Variants in NTN4 observed in about 807,000 individuals in gnomAD.
NTN4 encodes netrin-4.
Under a neutral mutation model 73.6 loss-of-function variants are expected in NTN4, and 32 were observed. The ratio of observed to expected loss-of-function variants is 0.44; its 90% CI spans 0.33 to 0.58. The LOEUF is 0.58. Among genes scored for constraint, NTN4 ranks in the 20% least tolerant of loss-of-function variants. NTN4 has a pLI of 0.04. For missense variants in NTN4, 654 were observed against 798.3 expected (o/e 0.82, Z 2.18); for synonymous variants, 258 against 287.5 (o/e 0.90, Z 1.04).
chr12:95,732,075 T>C (rs2078741172), intron 3 of NTN4, among the ~76,000 whole-genome samples: 1 of 152,204 alleles, frequency 6.6e-6, no homozygotes, highest in African/African-American at 2.4e-5. Context: ...CAGATGTACA[T>C]TTCCAAACAT....
chr12:95,668,788 A>G (rs2078203015), intron 8 of NTN4, among the ~76,000 whole-genome samples: 1 of 151,586 alleles, frequency 6.6e-6, no homozygotes, highest in African/African-American at 2.4e-5. Context: ...TCAGAAGTCC[A>G]AAACCAGCCT....
At chr12:95,727,167 G>A (rs192717082) in intron 3 of NTN4, among the ~76,000 whole-genome samples, 1 of 152,226 alleles carries the variant, frequency 6.6e-6, no homozygotes, top group East Asian at 1.9e-4. Context: ...TCTCCCTAAT[G>A]ACTAATGATG....
Position 95,669,376 on chromosome 12 carries a change from T to C in NTN4, c.1579+702A>G, listed in dbSNP as rs76552412. On this transcript the variant is annotated intron_variant, in intron 8 of 9. Coordinates refer to ENST00000343702, the MANE Select transcript of NTN4 (RefSeq NM_021229.4). Reference sequence around the variant, plus strand: ...ATGTATTTTCCTGTTATTTGAAAGATAGGGGTATCTAGAGTATACAGAGAG... The same window carrying C: ...ATGTATTTTCCTGTTATTTGAAAGACAGGGGTATCTAGAGTATACAGAGAG... Among the ~76,000 whole-genome samples the C allele has an allele frequency of 4.3e-3, 659 of 152,260 alleles. 3 individuals carry two copies. Among genetic ancestry groups the C allele is most frequent in the African/African-American group, 0.015 (631 of 41,556 alleles).
intron 7 of NTN4, among the ~76,000 whole-genome samples, chr12:95,681,964 T>C (rs1028164605): frequency 1.8e-4 from 27 of 152,072 alleles, no homozygotes; most frequent in African/African-American, 6.0e-4. Context: ...ACATCTAGCT[T>C]TTGCTTTGTA....
chr12:95,679,915 C>T lies in NTN4; in HGVS notation c.1510+2792G>A, dbSNP rs138120961. On this transcript the variant is annotated intron_variant, in intron 7 of 9. Transcript: ENST00000343702. The stretch of plus-strand genomic sequence containing the variant: ...TCTTGCTGTTTCCTGAATTCCTCCT[C>T]AGGGCTTTAAAGACTTGCTGTATCT... Among the ~76,000 whole-genome samples, 9 of 152,272 alleles carry T rather than the reference C, an allele frequency of 5.9e-5. No individual in the cohort carries two copies. In the East Asian group the frequency reaches 1.7e-3, roughly 29 times the overall value.
intron 2 of NTN4, among the ~76,000 whole-genome samples, chr12:95,743,847 G>C (rs976377130): frequency 6.6e-6 from 1 of 151,988 alleles, no homozygotes; most frequent in Admixed American, 6.6e-5. Context: ...CTCCCTTCAG[G>C]TTTTGCTTCA....
In NTN4 at chr12:95,790,189, GAGTCCCGAGATGGGTTAGAGA is replaced by G. The variant is rs926125737; in HGVS notation, c.55+45_55+65del. ...GCAGCCCTGGCTCCCCTGCACCCCC[GAGTCCCGAGATGGGTTAGAGA>G]AGCAGCGAGGGAAGGGGTGGGGGCC... On this transcript the variant is annotated intron_variant, in intron 1 of 9. Coordinates refer to ENST00000343702, the MANE Select transcript of NTN4 (RefSeq NM_021229.4). The surrounding 1 kb of genome is among the most constrained non-coding windows in gnomAD (Gnocchi z 6.5). The G allele has an allele frequency of 4.9e-6, 7 of 1,415,848 alleles. No individual in the cohort carries two copies. Among genetic ancestry groups the G allele is most frequent in the African/African-American group, 1.5e-5 (1 of 67,494 alleles). 87.7% of individuals were successfully genotyped at this position (1,415,848 alleles called of 1,614,324 possible).
At position 95,762,596 on chromosome 12, in the gene NTN4, T is replaced by C. The variant is rs76746690; in HGVS notation, c.585+24343A>G. The stretch of plus-strand genomic sequence containing the variant: ...ATTGGCTTTAAAAGTAAAAAGCAGA[T>C]ATTTTTCTCTCTACTGTGTCCTACA... On this transcript the variant is annotated intron_variant, in intron 2 of 9. Coordinates refer to ENST00000343702, the MANE Select transcript of NTN4 (RefSeq NM_021229.4). 3.2e-4 allele frequency among the ~76,000 whole-genome samples: 49 copies of C among 152,340 alleles called. No individual in the cohort carries two copies. The East Asian group carries it at 8.9e-3, about 28-fold the overall frequency.
rs2078107349 is a variant in NTN4, at chr12:95,658,287, C to A, written c.*799G>T. The A allele has an allele frequency of 6.6e-6, 1 of 152,128 alleles. No individual in the cohort carries two copies. Among genetic ancestry groups the A allele is most frequent in the Non-Finnish European group, 1.5e-5 (1 of 68,030 alleles). 9.4% of individuals were successfully genotyped at this position (152,128 alleles called of 1,614,324 possible). A position where few individuals can be genotyped will look rare whatever the true frequency, so the allele number is the denominator to read the frequency against. ...TGATTTCTTTCTCTTATTTTAAAGT[C>A]TCTTCTGGTTTAGTTTTTTAAAAAG... On this transcript the variant is annotated 3_prime_UTR_variant, in exon 10 of 10. Coordinates refer to ENST00000343702, the MANE Select transcript of NTN4 (RefSeq NM_021229.4).
intron 9 of NTN4, among the ~76,000 whole-genome samples, chr12:95,659,991 G>A (rs2078124296): frequency 6.6e-6 from 1 of 151,816 alleles, no homozygotes; most frequent in African/African-American, 2.4e-5. Context: ...TGTATATTAA[G>A]GAGGTTTTTT....
At chr12:95,788,143 T>G (rs2079183072) in intron 1 of NTN4, among the ~76,000 whole-genome samples, 1 of 152,178 alleles carries the variant, frequency 6.6e-6, no homozygotes, top group East Asian at 1.9e-4. Context: ...TTTCTAACAT[T>G]ACATAAACAT....
chr12:95,689,901 G>A (rs1013821495), intron 5 of NTN4, among the ~76,000 whole-genome samples: 7 of 152,022 alleles, frequency 4.6e-5, no homozygotes, highest in African/African-American at 1.4e-4. Context: ...CTATCACACC[G>A]GTCTGTAAGC....
rs892774733 is a variant in NTN4 at position 95,758,666 on chromosome 12, G to A, written c.586-20522C>T. Among the ~76,000 whole-genome samples the A allele has an allele frequency of 2.6e-5, 4 of 152,212 alleles. No individual in the cohort carries two copies. The East Asian group carries it at 5.8e-4, about 22-fold the overall frequency. On this transcript the variant is annotated intron_variant, in intron 2 of 9. Transcript: ENST00000343702. ...TGCAGCCTCAACCTCCTGGGCCCAG[G>A]TGTACCTCCCACCTCAGGCTCCTGA...
chr12:95,749,875 GGGC>G, intron 2 of NTN4, among the ~76,000 whole-genome samples: 1 of 149,142 alleles, frequency 6.7e-6, no homozygotes, highest in Non-Finnish European at 1.5e-5. Flanking sequence ...TCTGGGAGAG[GGGC>G]AAGTACCCCT....
chr12:95,702,354 A>T (rs1215515862), intron 5 of NTN4, among the ~76,000 whole-genome samples: 2 of 151,962 alleles, frequency 1.3e-5, no homozygotes, highest in Non-Finnish European at 1.5e-5. Context: ...CAGCAATTTT[A>T]CAGGAAAAAA....
intron 7 of NTN4, among the ~76,000 whole-genome samples, chr12:95,682,205 C>T (rs1249646469): frequency 1.3e-4 from 19 of 151,568 alleles, no homozygotes; most frequent in Non-Finnish European, 1.5e-5. Context: ...TACAGGCGTG[C>T]ACCACCACAC....
chr12:95,733,866 T>C (rs2078756334), intron 3 of NTN4, among the ~76,000 whole-genome samples: 1 of 151,996 alleles, frequency 6.6e-6, no homozygotes, highest in South Asian at 2.1e-4. Context: ...GGTCAGGAGT[T>C]GGAGACCAGC....
At chr12:95,703,963 T>C (rs959622366) in intron 5 of NTN4, among the ~76,000 whole-genome samples, 1 of 152,200 alleles carries the variant, frequency 6.6e-6, no homozygotes, top group Non-Finnish European at 1.5e-5. Flanking sequence ...GAAATTTCTC[T>C]GCTGCCCAGG....
At chr12:95,754,718 C>T (rs1321831091) in intron 2 of NTN4, among the ~76,000 whole-genome samples, 1 of 152,132 alleles carries the variant, frequency 6.6e-6, no homozygotes, top group Non-Finnish European at 1.5e-5. Context: ...GAGAACAACC[C>T]CCTTTGACTG....
Sources: gnomAD v4.1 joint callset for allele counts (sites outside exome capture counted in the v4.1 genomes callset) on GRCh38, gnomAD v4.1.1 for gene constraint, Gnocchi (gnomAD v3.1) non-coding constraint, MANE v1.5 for transcripts, NCBI Gene and HGNC (gene_info 2026-07-23, HGNC 2026-07-21) for gene names.